USH2A: variants seen among roughly 807,000 people sequenced by gnomAD.
USH2A encodes the protein Usher syndrome 2A (autosomal recessive, mild).
In USH2A, 443 loss-of-function variants were observed where a neutral mutation model predicts 538.9. The ratio of observed to expected loss-of-function variants is 0.82; its 90% confidence interval spans 0.76 to 0.89. The LOEUF (loss-of-function observed/expected upper bound fraction) is 0.89. USH2A is among the 40% of genes least tolerant of loss of function. The pLI is 0.00. For missense variants in USH2A, 6,633 were observed against 6,324.8 expected (o/e 1.05, Z -1.65); for synonymous variants, 2,413 against 2,273.5 (o/e 1.06, Z -1.75).
At chr1:216,037,325 T>C (rs2030033265) in intron 32 of USH2A, among the ~76,000 whole-genome samples, 1 of 152,096 alleles carries the variant, frequency 6.6e-6, no homozygotes, top group Non-Finnish European at 1.5e-5. Context: ...TGGCTAACAT[T>C]CTCAAAACAC....
At chr1:216,366,121 A>G (rs2102710116) in intron 3 of USH2A, among the ~76,000 whole-genome samples, 1 of 152,278 alleles carries the variant, frequency 6.6e-6, no homozygotes, top group Admixed American at 6.5e-5. Flanking sequence ...TTAAATGAAA[A>G]AGGAATAATT....
intron 15 of USH2A, among the ~76,000 whole-genome samples, chr1:216,214,553 A>G (rs570738647): frequency 1.3e-5 from 2 of 152,066 alleles, no homozygotes; most frequent in African/African-American, 4.8e-5. Context: ...GGTGGGAGTC[A>G]TGATTGACTG....
intron 16 of USH2A, among the ~76,000 whole-genome samples, chr1:216,203,754 G>A (rs1456858047): frequency 2.6e-5 from 4 of 151,988 alleles, no homozygotes; most frequent in Non-Finnish European, 4.4e-5. Context: ...GAAATCCCAG[G>A]GCTCATTAAA....
intron 58 of USH2A, among the ~76,000 whole-genome samples, chr1:215,752,143 G>A (rs1000614595): frequency 2.0e-5 from 3 of 152,090 alleles, no homozygotes; most frequent in East Asian, 1.9e-4. Flanking sequence ...TAATGTAGAC[G>A]AAGGATGACT....
intron 58 of USH2A, among the ~76,000 whole-genome samples, chr1:215,747,791 C>T (rs1660513749): frequency 6.6e-6 from 1 of 152,232 alleles, no homozygotes; most frequent in Admixed American, 6.5e-5. Flanking sequence ...GGGCATTTCT[C>T]CCTATTGTTA....
At chr1:216,087,050 A>C in intron 23 of USH2A, 5 of 481,528 alleles carry the variant, frequency 1.0e-5, no homozygotes, top group Non-Finnish European at 1.6e-5. Flanking sequence ...TTCTCTACCC[A>C]TAGGCACCCC....
At chr1:215,861,125 A>G (rs940069949) in intron 44 of USH2A, among the ~76,000 whole-genome samples, 1 of 152,164 alleles carries the variant, frequency 6.6e-6, no homozygotes, top group Non-Finnish European at 1.5e-5. Flanking sequence ...TCCGAGCAGC[A>G]TATCTCCTGT....
chr1:215,672,661 C>T (rs183380875), intron 63 of USH2A, among the ~76,000 whole-genome samples: 5 of 152,252 alleles, frequency 3.3e-5, no homozygotes, highest in African/African-American at 1.2e-4. Context: ...TCTTACTGAC[C>T]AGCTGGGGGT....
chr1:216,211,830 G>A (rs1281774262), intron 15 of USH2A, among the ~76,000 whole-genome samples: 3 of 151,830 alleles, frequency 2.0e-5, no homozygotes, highest in Non-Finnish European at 2.9e-5. Flanking sequence ...CACTGAAAAT[G>A]CATTTGACCC....
intron 32 of USH2A, among the ~76,000 whole-genome samples, chr1:216,030,372 G>A (rs1669083697): frequency 7.7e-6 from 1 of 129,926 alleles, no homozygotes; most frequent in South Asian, 2.5e-4. Context: ...TAATATATAT[G>A]ATATATAGAT....
At chr1:215,839,613 G>T (rs1663620575) in intron 46 of USH2A, among the ~76,000 whole-genome samples, 1 of 152,050 alleles carries the variant, frequency 6.6e-6, no homozygotes, top group African/African-American at 2.4e-5. Context: ...ACTACTGCTG[G>T]TAGCCAGATG....
chr1:215,792,112 C>G (rs1433202044), intron 50 of USH2A, among the ~76,000 whole-genome samples: 1 of 152,084 alleles, frequency 6.6e-6, no homozygotes, highest in African/African-American at 2.4e-5. Context: ...ATATTCTCCC[C>G]CTCTCATTCC....
rs746122630 is a variant in USH2A, at chr1:216,325,580, A to G, written c.868T>C (p.Ser290Pro). 4 of 1,613,260 alleles carry G rather than the reference A, an allele frequency of 2.5e-6. No homozygotes were observed. In the South Asian group the frequency reaches 3.3e-5, roughly 13 times the overall value. Residue 290 changes from serine (S) to proline (P), a missense_variant, in exon 6 of 72, where the codon TCT becomes CCT. Physicochemically the swap from Ser to Pro is moderately conservative, Grantham distance 74 (BLOSUM62 -1). Transcript: ENST00000307340. Reference protein sequence around the residue: ...LTNREILEVFSGDLLRLHAQS... With the variant: ...LTNREILEVFPGDLLRLHAQS... ...GCATGCAATCTGAGAAGATCTCCAG[A>G]GAAGACTTCCAGAATCTCTCTGTGG...
chr1:216,147,348 G>T (rs1335420188), intron 21 of USH2A, among the ~76,000 whole-genome samples: 3 of 152,074 alleles, frequency 2.0e-5, no homozygotes, highest in African/African-American at 7.2e-5. Flanking sequence ...TCCGTGACTA[G>T]CCCTCCCCCA....
At chr1:216,137,993 G>T (rs1428045175) in intron 21 of USH2A, among the ~76,000 whole-genome samples, 1 of 151,590 alleles carries the variant, frequency 6.6e-6, no homozygotes, top group East Asian at 1.9e-4. Flanking sequence ...TCATCTAAAG[G>T]AGGAGTCAAA....
In USH2A at chr1:215,858,432, G is replaced by A. The variant is rs533123161; in HGVS notation, c.8845+8575C>T. Among the ~76,000 whole-genome samples, 5 of 150,616 alleles carry A rather than the reference G, an allele frequency of 3.3e-5. No individual in the cohort carries two copies. In the South Asian group the frequency reaches 6.4e-4, roughly 19 times the overall value. ...GCTGTTCTCATGATAGTGAGTTCTC[G>A]CAAGATCTGATGGTTTCATAAGTGT... is the stretch of plus-strand genomic sequence containing the variant. On this transcript the variant is annotated intron_variant, in intron 44 of 71. Coordinates refer to ENST00000307340, the MANE Select transcript of USH2A (RefSeq NM_206933.4).
chr1:215,926,822 G>A (rs1189577736), intron 38 of USH2A, among the ~76,000 whole-genome samples: 1 of 151,804 alleles, frequency 6.6e-6, no homozygotes, highest in African/African-American at 2.4e-5. Context: ...TGGTCAGGCT[G>A]GTCTCGAACT....
intron 21 of USH2A, among the ~76,000 whole-genome samples, chr1:216,139,583 C>G (rs749893444): frequency 6.6e-6 from 1 of 152,118 alleles, no homozygotes. Flanking sequence ...AAAGCAAGAG[C>G]CTGAATTAGA....
intron 61 of USH2A, among the ~76,000 whole-genome samples, chr1:215,695,472 CA>C (rs1340124320): frequency 5.3e-5 from 8 of 151,728 alleles, no homozygotes; most frequent in Admixed American, 5.3e-4. Flanking sequence ...ATACAAAAAT[CA>C]ATTGTATTTC....
Sources: allele counts gnomAD v4.1 joint callset (sites outside exome capture counted in the v4.1 genomes callset), GRCh38; gene constraint gnomAD v4.1.1; transcripts MANE v1.5; gene names NCBI Gene and HGNC (gene_info 2026-07-23, HGNC 2026-07-21).